The following LINGO2 variants were observed in gnomAD, a reference collection of about 807,000 sequenced individuals.
LINGO2 encodes leucine-rich repeat and immunoglobulin-like domain-containing nogo receptor-interacting protein 2.
Under a neutral mutation model 30.6 loss-of-function variants are expected in LINGO2, and 14 were observed. The ratio of observed to expected loss-of-function variants is 0.46; its 90% CI spans 0.30 to 0.72. LINGO2 has a LOEUF of 0.72. Among genes scored for constraint, LINGO2 ranks in the 30% least tolerant of loss-of-function variants. The probability of loss-of-function intolerance (pLI) is 0.07; values close to 1 mark genes in which losing one functional copy is unlikely to be tolerated. For synonymous variants in LINGO2, 317 were observed against 288.5 expected (o/e 1.10, Z -1.00); for missense variants, 729 against 751.7 (o/e 0.97, Z 0.35).
chr9:28,926,304 ACT>A, the LINGO2 span, among the ~76,000 whole-genome samples: 777 of 152,146 alleles, frequency 5.1e-3, 8 homozygotes, highest in African/African-American at 0.018. Flanking sequence ...ATAGAGCAAG[ACT>A]CTGTCTCAAA....
At chr9:28,889,373 C>T in the LINGO2 span, among the ~76,000 whole-genome samples, 4 of 151,992 alleles carry the variant, frequency 2.6e-5, no homozygotes, top group African/African-American at 4.8e-5. Context: ...AGAATTCTAG[C>T]CCTACTGCAG....
In LINGO2 at chr9:27,953,415, T is replaced by C. The variant is rs1306847452; in HGVS notation, c.-35-2709A>G. On this transcript the variant is annotated intron_variant, in intron 5 of 5. Transcript: ENST00000379992. Reference sequence around the variant, plus strand: ...TATAAGTTATAAAGCAGCCATACAGTAAAATACCATCTAGCCAATACACTG... The same window carrying C: ...TATAAGTTATAAAGCAGCCATACAGCAAAATACCATCTAGCCAATACACTG... Among the ~76,000 whole-genome samples the C allele has an allele frequency of 2.0e-5, 3 of 152,270 alleles. 1 individual carries two copies. Among genetic ancestry groups the C allele is most frequent in the South Asian group, 2.1e-4 (1 of 4,822 alleles).
At chr9:28,243,996 T>A (rs554610073) in intron 4 of LINGO2, among the ~76,000 whole-genome samples, 3 of 152,248 alleles carry the variant, frequency 2.0e-5, no homozygotes, top group Non-Finnish European at 4.4e-5. Flanking sequence ...TCTATAGAAC[T>A]CTCTACCCCA....
intron 1 of LINGO2, among the ~76,000 whole-genome samples, chr9:28,592,883 A>C (rs1326443146): frequency 6.6e-6 from 1 of 151,996 alleles, no homozygotes; most frequent in Non-Finnish European, 1.5e-5. Flanking sequence ...GCCCTCTTTC[A>C]TTGTCCCCAA....
chr9:28,768,745 A>G, the LINGO2 span, among the ~76,000 whole-genome samples: 3 of 152,078 alleles, frequency 2.0e-5, no homozygotes, highest in East Asian at 3.9e-4. Flanking sequence ...TATACTGAAT[A>G]TAGTACTTCA....
At chr9:28,440,485 C>T (rs1301450039) in intron 2 of LINGO2, among the ~76,000 whole-genome samples, 1 of 152,094 alleles carries the variant, frequency 6.6e-6, no homozygotes, top group Non-Finnish European at 1.5e-5. Flanking sequence ...CAGAATGTTA[C>T]CTCTGATATT....
chr9:28,970,328 A>C, the LINGO2 span, among the ~76,000 whole-genome samples: 1 of 152,212 alleles, frequency 6.6e-6, no homozygotes, highest in Non-Finnish European at 1.5e-5. Flanking sequence ...AGTAGGGAGC[A>C]AGATGGTAGA....
At chr9:28,347,662 T>A (rs1036088584) in intron 3 of LINGO2, among the ~76,000 whole-genome samples, 4 of 152,206 alleles carry the variant, frequency 2.6e-5, no homozygotes, top group African/African-American at 9.7e-5. Flanking sequence ...AGTTGCTCAA[T>A]TCTGAAAATC....
intron 3 of LINGO2, among the ~76,000 whole-genome samples, chr9:28,335,385 G>A (rs1825557422): frequency 6.6e-6 from 1 of 152,152 alleles, no homozygotes. Flanking sequence ...AGTCACTTCA[G>A]GCAAGACATT....
chr9:28,400,715 G>C (rs868369275), intron 2 of LINGO2, among the ~76,000 whole-genome samples: 15 of 152,192 alleles, frequency 9.9e-5, no homozygotes, highest in African/African-American at 3.4e-4. Context: ...ATTAATGATG[G>C]TTGATAGTGG....
chr9:28,755,521 G>A, the LINGO2 span, among the ~76,000 whole-genome samples: 5 of 152,222 alleles, frequency 3.3e-5, no homozygotes, highest in African/African-American at 4.8e-5. Context: ...AATTATGTTT[G>A]TATAAGTTGG....
the LINGO2 span, among the ~76,000 whole-genome samples, chr9:28,882,030 CA>C: frequency 3.3e-5 from 5 of 152,134 alleles, no homozygotes; most frequent in African/African-American, 1.2e-4. Context: ...CTGAAGCACA[CA>C]GCGGACCACT....
chr9:28,545,680 C>T (rs1821901071), intron 1 of LINGO2, among the ~76,000 whole-genome samples: 1 of 151,822 alleles, frequency 6.6e-6, no homozygotes, highest in Non-Finnish European at 1.5e-5. Context: ...TTTAGTGGTC[C>T]TTAGGTGCTA....
chr9:28,067,106 A>G (rs958988153), intron 4 of LINGO2, among the ~76,000 whole-genome samples: 2 of 152,104 alleles, frequency 1.3e-5, no homozygotes, highest in African/African-American at 4.8e-5. Context: ...CAGCACTCAA[A>G]GTTTCAAAAT....
the LINGO2 span, among the ~76,000 whole-genome samples, chr9:29,141,082 A>G: frequency 1.3e-5 from 2 of 152,090 alleles, no homozygotes; most frequent in Non-Finnish European, 2.9e-5. Context: ...AGATAGCAAC[A>G]CAAAAATATT....
chr9:28,163,590 T>C (rs1351402829), intron 4 of LINGO2, among the ~76,000 whole-genome samples: 1 of 152,174 alleles, frequency 6.6e-6, no homozygotes, highest in Non-Finnish European at 1.5e-5. Flanking sequence ...TACTACCATA[T>C]GCTGCTCCTT....
the LINGO2 span, among the ~76,000 whole-genome samples, chr9:29,149,365 A>G: frequency 6.6e-6 from 1 of 152,138 alleles, no homozygotes; most frequent in Non-Finnish European, 1.5e-5. Context: ...GACTAGATGC[A>G]GCCAGGAAGT....
At chr9:28,724,741 T>C in the LINGO2 span, among the ~76,000 whole-genome samples, 1 of 152,098 alleles carries the variant, frequency 6.6e-6, no homozygotes, top group Non-Finnish European at 1.5e-5. Context: ...AGAGAAAGTA[T>C]GCATGTTGTT....
Position 27,950,245 on chromosome 9 carries a change from T to G in LINGO2, c.427A>C (p.Ile143Leu), listed in dbSNP as rs920114694. ...TCTTGGAACATGTAGTCTAGTAAAA[T>G]GACAATCTTATTCTCACTAATGTCA... The change falls in exon 6 of 6, where the codon ATT becomes CTT. Residue 143 changes from isoleucine (I) to leucine (L), a missense_variant. Coordinates refer to ENST00000379992, the Ensembl canonical transcript of LINGO2. 14 of 1,613,562 alleles carry G rather than the reference T, an allele frequency of 8.7e-6. No individual in the cohort carries two copies. The highest frequency in any genetic ancestry group is 1.3e-5 in the African/African-American group (1 of 74,742).
Sources: gnomAD v4.1 joint callset for allele counts (sites outside exome capture counted in the v4.1 genomes callset) on GRCh38, gnomAD v4.1.1 for gene constraint, MANE v1.5 for transcripts, NCBI Gene and HGNC (gene_info 2026-07-23, HGNC 2026-07-21) for gene names.